PAH: variants seen among roughly 807,000 people sequenced by gnomAD.
PAH encodes phenylalanine hydroxylase.
PAH carries 64 observed loss-of-function variants against 62.0 expected under a neutral mutation model. That is an observed-to-expected ratio of 1.03 (90% confidence interval 0.84 to 1.27). The LOEUF (loss-of-function observed/expected upper bound fraction) is 1.27, where lower values mean the gene tolerates loss of function less well. Ranked by LOEUF, PAH falls within the 50% of genes most tolerant of loss-of-function variation. The probability of loss-of-function intolerance (pLI) is 0.00; values close to 1 mark genes in which losing one functional copy is unlikely to be tolerated. For synonymous variants in PAH, 195 were observed against 196.2 expected (o/e 0.99, Z 0.05); for missense variants, 579 against 542.8 (o/e 1.07, Z -0.66).
intron 2 of PAH, among the ~76,000 whole-genome samples, chr12:102,897,848 T>A (rs1379288895): frequency 6.6e-6 from 1 of 152,162 alleles, no homozygotes; most frequent in African/African-American, 2.4e-5. Flanking sequence ...CTCTAAAAAA[T>A]ATTAGGCTGG....
At chr12:102,891,730 C>T (rs111244120) in intron 3 of PAH, among the ~76,000 whole-genome samples, 3,294 of 152,220 alleles carry the variant, frequency 0.022, 51 homozygotes, top group Middle Eastern at 0.037. Flanking sequence ...GCACTCTTAA[C>T]TCCCCCTCAA....
intron 3 of PAH, 152 bp downstream of exon 3, chr12:102,894,583 C>A: frequency 1.6e-6 from 1 of 644,664 alleles, no homozygotes; most frequent in Non-Finnish European, 2.7e-6. Context: ...GCATTATTTC[C>A]AATACATATA....
At chr12:102,952,367 G>C (rs1194361031), upstream of PAH, among the ~76,000 whole-genome samples, 1 of 152,026 alleles carries the variant, frequency 6.6e-6, no homozygotes, top group Non-Finnish European at 1.5e-5. Context: ...GAATCAGCTG[G>C]TTTTGTTTAC....
chr12:102,874,675 GA>G (rs965179700), intron 4 of PAH, among the ~76,000 whole-genome samples: 1 of 152,214 alleles, frequency 6.6e-6, no homozygotes, highest in African/African-American at 2.4e-5. Context: ...AGCAAGGTGG[GA>G]AAGGGGAAAG....
intron 3 of PAH, among the ~76,000 whole-genome samples, chr12:102,892,470 CA>C (rs1367368717): frequency 3.9e-5 from 6 of 152,104 alleles, no homozygotes; most frequent in Admixed American, 3.9e-4. Flanking sequence ...TATCTTCACA[CA>C]AAAAAACTGC....
upstream of PAH, among the ~76,000 whole-genome samples, chr12:102,919,507 G>A (rs560738835): frequency 2.0e-5 from 3 of 151,770 alleles, no homozygotes; most frequent in South Asian, 4.2e-4. Flanking sequence ...GACTATATTC[G>A]CCCTGTTGTA....
chr12:102,902,438 GT>G (rs1172913728), intron 2 of PAH, among the ~76,000 whole-genome samples: 1 of 152,218 alleles, frequency 6.6e-6, no homozygotes, highest in Non-Finnish European at 1.5e-5. Flanking sequence ...TCTGGCAGCT[GT>G]TTTAAGACTA....
In PAH at chr12:102,852,023, C is replaced by T. The variant is rs189565157; in HGVS notation, c.843-267G>A. The T allele has an allele frequency of 1.3e-3, 612 of 485,840 alleles. 3 individuals are homozygous for T. The highest frequency in any genetic ancestry group is 0.01 in the African/African-American group (533 of 51,336). 30.1% of individuals were successfully genotyped at this position (485,840 alleles called of 1,614,324 possible). On this transcript the variant is annotated intron_variant, in intron 7 of 12. Coordinates refer to ENST00000553106, the MANE Select transcript of PAH (RefSeq NM_000277.3). ...CTTAAGAGTATCCCCAGTGGGGTAC[C>T]AGGCAGAAGAGCTAATATTCCTGTG...
intron 1 of PAH, among the ~76,000 whole-genome samples, chr12:102,948,094 G>T (rs1879575858): frequency 6.6e-6 from 1 of 152,232 alleles, no homozygotes; most frequent in Non-Finnish European, 1.5e-5. Context: ...GAAACTGTGG[G>T]TGTTGACTAA....
chr12:102,907,541 T>C (rs921111212), intron 2 of PAH, among the ~76,000 whole-genome samples: 2 of 152,186 alleles, frequency 1.3e-5, no homozygotes, highest in African/African-American at 2.4e-5. Context: ...CATTGCATAA[T>C]GCGGTTCCAC....
chr12:102,943,440 G>A (rs1879367311), intron 1 of PAH, among the ~76,000 whole-genome samples: 1 of 152,154 alleles, frequency 6.6e-6, no homozygotes, highest in Non-Finnish European at 1.5e-5. Flanking sequence ...TGAGGTTGTG[G>A]AGAAAAGGAT....
At chr12:102,852,377 T>C (rs941420616) in intron 7 of PAH, 10 of 236,752 alleles carry the variant, frequency 4.2e-5, no homozygotes, top group South Asian at 2.6e-4. Context: ...ACTAAGGGGA[T>C]AACGAAACAC....
chr12:102,869,997 A>G (rs1876226708), intron 4 of PAH, among the ~76,000 whole-genome samples: 1 of 152,164 alleles, frequency 6.6e-6, no homozygotes. Flanking sequence ...GTAACCAAGT[A>G]TGTTTTGACA....
At chr12:102,844,484 G>T in intron 9 of PAH, 53 bp from the exon 10 acceptor site, 4 of 1,198,256 alleles carry the variant, frequency 3.3e-6, no homozygotes, top group Non-Finnish European at 5.0e-6. Flanking sequence ...AATTTTATGT[G>T]TCACCTTGAC....
intron 2 of PAH, among the ~76,000 whole-genome samples, chr12:102,899,732 G>A (rs1305210122): frequency 2.7e-5 from 4 of 147,588 alleles, no homozygotes; most frequent in South Asian, 4.4e-4. Flanking sequence ...AGTGGCGGGC[G>A]CCTGTAGTCC....
intron 2 of PAH, among the ~76,000 whole-genome samples, chr12:102,897,762 G>A (rs990645159): frequency 6.6e-6 from 1 of 152,164 alleles, no homozygotes; most frequent in Non-Finnish European, 1.5e-5. Flanking sequence ...TATGGCATCT[G>A]CTGAGTGCTA....
Position 102,886,675 on chromosome 12 carries a change from T to A in PAH, c.352+8060A>T, listed in dbSNP as rs972834226. On this transcript the variant is annotated intron_variant, in intron 3 of 12. Transcript: ENST00000553106. ...CACTTATTTGGCCCTGCTCCCCTTC[T>A]TCTCATCAACTGACCCCACGCCTGG... is the stretch of plus-strand genomic sequence containing the variant. Among the ~76,000 whole-genome samples, 7 of 152,244 alleles carry A rather than the reference T, an allele frequency of 4.6e-5. No homozygotes were observed. The East Asian group carries it at 9.7e-4, about 21-fold the overall frequency.
upstream of PAH, chr12:102,953,396 A>C (rs1206646857): frequency 6.6e-6 from 1 of 152,258 alleles, no homozygotes; most frequent in Non-Finnish European, 1.5e-5. Context: ...TGGTTTTCAA[A>C]GAGATGAGTC....
intron 1 of PAH, chr12:102,913,815 C>G (rs1453136877): frequency 4.3e-6 from 3 of 701,888 alleles, no homozygotes; most frequent in Non-Finnish European, 7.8e-6. Flanking sequence ...ATGCATGTGA[C>G]AGAAAACCAA....
Sources: allele counts gnomAD v4.1 joint callset (sites outside exome capture counted in the v4.1 genomes callset), GRCh38; gene constraint gnomAD v4.1.1; transcripts MANE v1.5; gene names NCBI Gene and HGNC (gene_info 2026-07-23, HGNC 2026-07-21).